SPATA45: variants seen among roughly 807,000 people sequenced by gnomAD.
The protein encoded by SPATA45 is spermatogenesis-associated protein 45.
In SPATA45, 5 loss-of-function variants were observed where a neutral mutation model predicts 7.0. That is an observed-to-expected ratio of 0.71 (90% CI 0.37 to 1.50). SPATA45 has a LOEUF of 1.50. Among genes scored for constraint, SPATA45 ranks in the 40% most tolerant of loss-of-function variants. SPATA45 has a pLI of 0.03. For missense variants in SPATA45, 111 were observed against 114.9 expected (o/e 0.97, Z 0.16); for synonymous variants, 40 against 38.7 (o/e 1.03, Z -0.13).
chr1:212,847,405 G>A (rs575513768), intron 1 of SPATA45, among the ~76,000 whole-genome samples, 175 bp downstream of exon 1: 2 of 152,230 alleles, frequency 1.3e-5, no homozygotes, highest in East Asian at 1.9e-4. Context: ...TCGAAAAATT[G>A]TATGTCAAAC....
chr1:212,843,732 CA>C (rs1482757143), intron 1 of SPATA45, among the ~76,000 whole-genome samples: 1 of 152,156 alleles, frequency 6.6e-6, no homozygotes, highest in Non-Finnish European at 1.5e-5. Context: ...AGGCCAATTC[CA>C]ACTGCTAATT....
chr1:212,835,540 A>G (rs971927515), intron 2 of SPATA45, among the ~76,000 whole-genome samples: 1 of 149,420 alleles, frequency 6.7e-6, no homozygotes, highest in African/African-American at 2.5e-5. Flanking sequence ...CAAAAAAAGA[A>G]TCCTATCATA....
intron 2 of SPATA45, among the ~76,000 whole-genome samples, chr1:212,832,336 C>T (rs1240748935): frequency 7.1e-6 from 1 of 140,042 alleles, no homozygotes; most frequent in African/African-American, 2.6e-5. Flanking sequence ...GTTTATCTGG[C>T]TCTCTACCCA....
intron 1 of SPATA45, among the ~76,000 whole-genome samples, chr1:212,842,732 G>C (rs1462800179): frequency 6.6e-6 from 1 of 152,068 alleles, no homozygotes; most frequent in Non-Finnish European, 1.5e-5. Context: ...CAACACTTTG[G>C]GAGGCCTAGG....
chr1:212,833,425 G>T (rs187248984), intron 2 of SPATA45, among the ~76,000 whole-genome samples: 3 of 149,658 alleles, frequency 2.0e-5, no homozygotes, highest in Admixed American at 6.7e-5. Context: ...TTGGGAGGCC[G>T]AGATGGGTGG....
chr1:212,836,287 AAC>A (rs1310208928), intron 1 of SPATA45, 100 bp from the exon 2 acceptor site: 3 of 899,382 alleles, frequency 3.3e-6, no homozygotes, highest in East Asian at 2.5e-5. Flanking sequence ...TCTATAAAAT[AAC>A]ACCACAACCA....
intron 2 of SPATA45, among the ~76,000 whole-genome samples, chr1:212,832,716 C>G (rs17019770): frequency 0.021 from 3,201 of 151,532 alleles, 116 homozygotes; most frequent in African/African-American, 0.07. Context: ...TGTATTATTA[C>G]CCTCCTGCAT....
rs140339498 is a variant in SPATA45 at position 212,831,141 on chromosome 1, G to A, written c.278-880C>T. On this transcript the variant is annotated intron_variant, in intron 2 of 2. Coordinates refer to ENST00000332912, the MANE Select transcript of SPATA45 (RefSeq NM_001024601.3). ...TGACAAAGTGACAGAGTGAGACTCC[G>A]TCTCAATAAATTAAAAAAAAAAAAA... Among the ~76,000 whole-genome samples the A allele has an allele frequency of 2.4e-3, 335 of 142,542 alleles. 6 individuals carry two copies. The highest frequency in any genetic ancestry group is 7.9e-3 in the African/African-American group (321 of 40,508). The allele number at this position is 142,542 out of a possible 152,430, so 93.5% of individuals were successfully genotyped here.
At chr1:212,838,728 G>T (rs939626450) in intron 1 of SPATA45, among the ~76,000 whole-genome samples, 3 of 151,302 alleles carry the variant, frequency 2.0e-5, no homozygotes, top group African/African-American at 7.3e-5. Flanking sequence ...TTGAGACAGG[G>T]TCTCTTTCTG....
rs140709038 is a variant in SPATA45 at position 212,841,000 on chromosome 1, G to C, written c.-38-4813C>G. Among the ~76,000 whole-genome samples the C allele has an allele frequency of 3.8e-3, 585 of 151,998 alleles. 8 individuals carry two copies. The highest frequency in any genetic ancestry group is 0.013 in the African/African-American group (559 of 41,452). ...TCTGTCTCCAGGATGGAGTCCAGTG[G>C]AGTGATATCGGCTCACTGCAACCCT... On this transcript the variant is annotated intron_variant, in intron 1 of 2. Coordinates refer to ENST00000332912, the MANE Select transcript of SPATA45 (RefSeq NM_001024601.3).
chr1:212,834,746 C>T (rs953517543), intron 2 of SPATA45, among the ~76,000 whole-genome samples: 6 of 151,646 alleles, frequency 4.0e-5, no homozygotes, highest in African/African-American at 4.8e-5. Context: ...CCACCGCGCC[C>T]GGCCTCTCCA....
At chr1:212,842,697 G>A (rs931854915) in intron 1 of SPATA45, among the ~76,000 whole-genome samples, 6 of 152,154 alleles carry the variant, frequency 3.9e-5, no homozygotes, top group Non-Finnish European at 8.8e-5. Context: ...TCCAGGCCAG[G>A]TGCGGTGGCT....
chr1:212,840,778 C>T (rs974041401), intron 1 of SPATA45, among the ~76,000 whole-genome samples: 3 of 152,010 alleles, frequency 2.0e-5, no homozygotes, highest in East Asian at 1.9e-4. Context: ...CCACCACGCC[C>T]GGCTAATTTT....
chr1:212,833,438 C>T (rs1336980824), intron 2 of SPATA45, among the ~76,000 whole-genome samples: 2 of 147,816 alleles, frequency 1.4e-5, no homozygotes, highest in African/African-American at 5.0e-5. Context: ...ATGGGTGGAT[C>T]ACTTGAAGCC....
At chr1:212,845,490 C>A (rs1377831790) in intron 1 of SPATA45, among the ~76,000 whole-genome samples, 1 of 152,186 alleles carries the variant, frequency 6.6e-6, no homozygotes, top group African/African-American at 2.4e-5. Context: ...CTTCCCACCT[C>A]TATACAGTCT....
At chr1:212,832,070 G>GTGC (rs1663500243) in intron 2 of SPATA45, among the ~76,000 whole-genome samples, 1 of 118,644 alleles carries the variant, frequency 8.4e-6, no homozygotes, top group African/African-American at 3.2e-5. Flanking sequence ...CCAGGCTGTA[G>GTGC]TGCAGTGGCG....
intron 2 of SPATA45, among the ~76,000 whole-genome samples, chr1:212,830,619 C>T (rs1394667246): frequency 6.7e-6 from 1 of 149,526 alleles, no homozygotes; most frequent in South Asian, 2.1e-4. Context: ...GTGCAGTGAG[C>T]CGAGATCACA....
chr1:212,832,376 T>C (rs1270066600), intron 2 of SPATA45, among the ~76,000 whole-genome samples: 12 of 144,510 alleles, frequency 8.3e-5, no homozygotes, highest in Non-Finnish European at 1.8e-4. Context: ...TTTTTTTTTT[T>C]TTTTTTTTTA....
At chr1:212,844,416 C>T (rs368995695) in intron 1 of SPATA45, among the ~76,000 whole-genome samples, 67 of 152,328 alleles carry the variant, frequency 4.4e-4, no homozygotes, top group African/African-American at 1.5e-3. Flanking sequence ...TGGCCTCCCA[C>T]ATTATTCCTG....
Sources: gnomAD v4.1 joint callset for allele counts (sites outside exome capture counted in the v4.1 genomes callset) on GRCh38, gnomAD v4.1.1 for gene constraint, MANE v1.5 for transcripts, NCBI Gene and HGNC (gene_info 2026-07-23, HGNC 2026-07-21) for gene names.